The following CALN1 variants were observed in gnomAD, a reference collection of about 807,000 sequenced individuals.
CALN1 encodes calneuron 1.
CALN1 carries 17 observed loss-of-function variants against 30.6 expected under a neutral mutation model. The observed-to-expected ratio is 0.56, with a 90% confidence interval of 0.38 to 0.83. CALN1 has a LOEUF of 0.83. Among genes scored for constraint, CALN1 ranks in the 40% least tolerant of loss-of-function variants. CALN1 has a pLI of 0.00. For synonymous variants in CALN1, 156 were observed against 131.4 expected (o/e 1.19, Z -1.28); for missense variants, 291 against 354.9 (o/e 0.82, Z 1.45).
intron 1 of CALN1, among the ~76,000 whole-genome samples, chr7:72,417,932 T>C (rs1045178738): frequency 6.6e-6 from 1 of 152,236 alleles, no homozygotes; most frequent in Admixed American, 6.5e-5. Context: ...TCCCTGTTCC[T>C]CTTTTTGTTT....
chr7:72,195,515 A>T (rs1054955805), intron 3 of CALN1, among the ~76,000 whole-genome samples: 1 of 152,160 alleles, frequency 6.6e-6, no homozygotes, highest in Non-Finnish European at 1.5e-5. Context: ...AGCTGGGACT[A>T]TAGGCAGGTA....
At chr7:72,126,995 A>C (rs1022040424) in intron 3 of CALN1, among the ~76,000 whole-genome samples, 10 of 151,990 alleles carry the variant, frequency 6.6e-5, no homozygotes, top group Non-Finnish European at 1.5e-4. Context: ...ATATAAATAA[A>C]ATTTTAAAAA....
chr7:71,951,983 C>T (rs910317597), intron 5 of CALN1, among the ~76,000 whole-genome samples: 8 of 151,990 alleles, frequency 5.3e-5, no homozygotes, highest in African/African-American at 1.7e-4. Flanking sequence ...ACCAATCCAT[C>T]ACTTGCCCAA....
chr7:72,071,073 C>A (rs1242240959), intron 4 of CALN1, among the ~76,000 whole-genome samples: 1 of 152,230 alleles, frequency 6.6e-6, no homozygotes, highest in East Asian at 1.9e-4. Flanking sequence ...AGGCTTGCAA[C>A]TTCCAGGGAA....
chr7:72,362,740 C>G (rs1331087795), intron 2 of CALN1, among the ~76,000 whole-genome samples: 1 of 152,186 alleles, frequency 6.6e-6, no homozygotes, highest in South Asian at 2.1e-4. Flanking sequence ...GACTCTCCCC[C>G]TCCTGCAGCC....
intron 3 of CALN1, among the ~76,000 whole-genome samples, chr7:72,180,032 CT>C (rs1789647814): frequency 6.6e-6 from 1 of 152,172 alleles, no homozygotes; most frequent in Admixed American, 6.5e-5. Context: ...ACACATGTTG[CT>C]TATCTCTAAT....
chr7:72,349,252 GAA>G, intron 2 of CALN1, among the ~76,000 whole-genome samples: 1 of 151,612 alleles, frequency 6.6e-6, no homozygotes, highest in Non-Finnish European at 1.5e-5. Context: ...TAAAGCGAGA[GAA>G]AAAGAGAGAG....
intron 2 of CALN1, among the ~76,000 whole-genome samples, chr7:72,391,137 T>G (rs906070660): frequency 2.6e-5 from 4 of 152,128 alleles, no homozygotes; most frequent in Non-Finnish European, 2.9e-5. Flanking sequence ...AAAACAAATT[T>G]CACCCTCCCT....
intron 2 of CALN1, among the ~76,000 whole-genome samples, chr7:72,395,833 C>G (rs978188899): frequency 6.6e-6 from 1 of 152,012 alleles, no homozygotes; most frequent in African/African-American, 2.4e-5. Flanking sequence ...AAAATCCTCC[C>G]CCTGGGGACT....
intron 3 of CALN1, among the ~76,000 whole-genome samples, chr7:72,258,056 C>T (rs1192614086): frequency 6.6e-6 from 1 of 152,076 alleles, no homozygotes; most frequent in African/African-American, 2.4e-5. Context: ...TCTCAGATAT[C>T]ACCACTGAAG....
intron 2 of CALN1, among the ~76,000 whole-genome samples, chr7:72,396,936 G>A (rs1806002562): frequency 6.6e-6 from 1 of 152,068 alleles, no homozygotes; most frequent in South Asian, 2.1e-4. Flanking sequence ...AGTAAGACAG[G>A]GTCTGTCTGT....
intron 4 of CALN1, among the ~76,000 whole-genome samples, chr7:72,042,472 T>C (rs763395580): frequency 6.6e-6 from 1 of 152,140 alleles, no homozygotes; most frequent in Non-Finnish European, 1.5e-5. Context: ...AGATGTGAAA[T>C]GCTGCTCACC....
intron 2 of CALN1, among the ~76,000 whole-genome samples, chr7:72,288,647 G>A (rs1798265249): frequency 2.6e-5 from 4 of 152,164 alleles, no homozygotes; most frequent in Admixed American, 2.6e-4. Context: ...TTAGCAGACT[G>A]TTTCATTTTT....
intron 3 of CALN1, among the ~76,000 whole-genome samples, chr7:72,194,772 A>C (rs1790872765): frequency 6.6e-6 from 1 of 151,502 alleles, no homozygotes; most frequent in African/African-American, 2.4e-5. Flanking sequence ...TTGTATTTTT[A>C]GTAGAGATGG....
intron 5 of CALN1, among the ~76,000 whole-genome samples, chr7:71,976,203 G>C (rs1394915357): frequency 1.3e-5 from 2 of 152,074 alleles, no homozygotes; most frequent in Admixed American, 6.5e-5. Context: ...AAAACACATG[G>C]GGGTAGATCC....
intron 3 of CALN1, among the ~76,000 whole-genome samples, chr7:72,220,403 T>C (rs1363541941): frequency 6.6e-6 from 1 of 151,972 alleles, no homozygotes; most frequent in African/African-American, 2.4e-5. Flanking sequence ...TAGTATTCCA[T>C]GGTGTATATG....
At chr7:72,000,195 G>A (rs1263866542) in intron 5 of CALN1, among the ~76,000 whole-genome samples, 1 of 151,882 alleles carries the variant, frequency 6.6e-6, no homozygotes, top group Admixed American at 6.6e-5. Flanking sequence ...AGAAAACAAT[G>A]AAATTGGATA....
chr7:72,162,834 GAACTTAAGGAT>G (rs1788214980), intron 3 of CALN1, among the ~76,000 whole-genome samples: 1 of 152,194 alleles, frequency 6.6e-6, no homozygotes, highest in African/African-American at 2.4e-5. Flanking sequence ...GAGGTGGTTA[GAACTTAAGGAT>G]AACTTAAAGT....
intron 4 of CALN1, among the ~76,000 whole-genome samples, chr7:72,055,777 TGAG>T (rs1281092801): frequency 6.6e-5 from 10 of 152,152 alleles, no homozygotes; most frequent in African/African-American, 2.4e-4. Context: ...TCTGGGGGGC[TGAG>T]GAGTGAGGAT....
Sources: allele counts gnomAD v4.1 joint callset (sites outside exome capture counted in the v4.1 genomes callset), GRCh38; gene constraint gnomAD v4.1.1; transcripts MANE v1.5; gene names NCBI Gene and HGNC (gene_info 2026-07-23, HGNC 2026-07-21).